PHF11: variants seen among roughly 807,000 people sequenced by gnomAD.
PHF11 encodes BRCA1 C-terminus-associated protein.
A neutral mutation model predicts 40.5 loss-of-function variants in PHF11; 38 were observed. The ratio of observed to expected loss-of-function variants is 0.94; its 90% CI spans 0.72 to 1.23. The LOEUF is 1.23. Among genes scored for constraint, PHF11 ranks in the 50% most tolerant of loss-of-function variants. The probability of loss-of-function intolerance (pLI) is 0.00; values close to 1 mark genes in which losing one functional copy is unlikely to be tolerated. For missense variants in PHF11, 369 were observed against 392.4 expected, an observed-to-expected ratio of 0.94 and a Z score of 0.50; for synonymous variants, 127 against 138.2, an observed-to-expected ratio of 0.92 and a Z score of 0.57.
intron 2 of PHF11, among the ~76,000 whole-genome samples, chr13:49,507,671 G>A (rs950442419): frequency 3.9e-5 from 6 of 152,156 alleles, no homozygotes; most frequent in East Asian, 3.8e-4. Flanking sequence ...GGACACTTAC[G>A]TTAGCCCACA....
intron 4 of PHF11, among the ~76,000 whole-genome samples, chr13:49,520,129 C>G (rs1042425201): frequency 6.6e-6 from 1 of 152,202 alleles, no homozygotes; most frequent in Non-Finnish European, 1.5e-5. Flanking sequence ...CTCACTGCAA[C>G]TTCCAGCCTC....
At chr13:49,526,187 AAAAG>A (rs1566198853) in intron 8 of PHF11, 196 bp from the exon 9 acceptor site, 17 of 482,898 alleles carry the variant, frequency 3.5e-5, no homozygotes, top group Middle Eastern at 5.0e-4. Flanking sequence ...AAAAAAAAAA[AAAAG>A]AAAAAAGAGA....
chr13:49,517,289 C>G (rs369737327), intron 3 of PHF11, among the ~76,000 whole-genome samples: 2 of 152,152 alleles, frequency 1.3e-5, no homozygotes, highest in East Asian at 1.9e-4. Context: ...ACTGTGCCCC[C>G]ACGTCATTCA....
In PHF11 at chr13:49,504,920, A is replaced by G. The variant is rs989170684; in HGVS notation, c.95-1715A>G. Among the ~76,000 whole-genome samples the G allele has an allele frequency of 7.8e-3, 1,165 of 148,994 alleles. 12 individuals carry two copies. The highest frequency in any genetic ancestry group is 0.027 in the African/African-American group (1,100 of 40,800). The stretch of plus-strand genomic sequence containing the variant: ...CTGTTGATCTGTGACCTTACCCCCA[A>G]CCCTGTGCTCTCTGAAACATGTGCT... On this transcript the variant is annotated intron_variant, in intron 1 of 9. Transcript: ENST00000378319.
Position 49,513,087 on chromosome 13 carries a change from A to G in PHF11, c.245A>G (p.Glu82Gly), listed in dbSNP as rs867638165. 8 of 1,591,650 alleles carry G rather than the reference A, an allele frequency of 5.0e-6. No homozygotes were observed. In the African/African-American group the frequency reaches 1.1e-4, roughly 21 times the overall value. ...TATTCTTCAGGACTTGTGGAATGTG[A>G]GGATCAGGATCCACTTAATCCTGAT... ...LLYSSGLVECEDQDPLNPDRS... is the reference protein window; with the variant it reads ...LLYSSGLVECGDQDPLNPDRS... Residue 82 changes from glutamate (E) to glycine (G), a missense_variant, in exon 3 of 10, where the codon GAG (glutamate) becomes GGG (glycine). Coordinates refer to ENST00000378319, the MANE Select transcript of PHF11 (RefSeq NM_001040443.3).
intron 6 of PHF11, 126 bp downstream of exon 6, chr13:49,522,233 TC>T: frequency 1.9e-6 from 1 of 538,454 alleles, no homozygotes. Context: ...AGAACATTCT[TC>T]ATTTGTGTTC....
At chr13:49,509,433 G>A (rs768201386) in intron 2 of PHF11, among the ~76,000 whole-genome samples, 1 of 152,020 alleles carries the variant, frequency 6.6e-6, no homozygotes, top group Non-Finnish European at 1.5e-5. Context: ...AGATGGTCTT[G>A]ATCTCTTGAC....
chr13:49,517,986 GTACT>G, intron 3 of PHF11, 28 bp from the exon 4 acceptor site: 1 of 1,155,088 alleles, frequency 8.7e-7, no homozygotes, highest in South Asian at 1.3e-5. Flanking sequence ...CAACAAACAG[GTACT>G]TACTCAGTAA....
At chr13:49,506,116 G>T (rs927502991) in intron 1 of PHF11, among the ~76,000 whole-genome samples, 1 of 151,938 alleles carries the variant, frequency 6.6e-6, no homozygotes, top group African/African-American at 2.4e-5. Flanking sequence ...CCTCATTTTG[G>T]CCAGGCACAG....
chr13:49,516,732 T>C (rs1275743151), intron 3 of PHF11, among the ~76,000 whole-genome samples: 10 of 151,906 alleles, frequency 6.6e-5, no homozygotes, highest in African/African-American at 2.4e-4. Flanking sequence ...TACAGGAGTG[T>C]GCCACTATGC....
intron 1 of PHF11, chr13:49,496,938 A>G: frequency 2.0e-6 from 1 of 508,878 alleles, no homozygotes; most frequent in South Asian, 2.8e-5. Flanking sequence ...GGTTCAAGCG[A>G]TTCTCCTGCC....
At chr13:49,496,199 C>G in intron 1 of PHF11, 104 bp downstream of exon 1, 1 of 730,890 alleles carries the variant, frequency 1.4e-6, no homozygotes, top group Non-Finnish European at 1.9e-6. Context: ...GCCCGACCTG[C>G]CCCTACTCCG....
At chr13:49,501,240 C>T (rs974647442) in intron 1 of PHF11, among the ~76,000 whole-genome samples, 9 of 152,012 alleles carry the variant, frequency 5.9e-5, no homozygotes, top group African/African-American at 1.9e-4. Context: ...CTTGAACTCC[C>T]GACCTCAGGT....
intron 2 of PHF11, 89 bp downstream of exon 2, chr13:49,506,845 G>T: frequency 4.8e-6 from 3 of 625,544 alleles, no homozygotes; most frequent in East Asian, 5.7e-5. Context: ...TGGACACAAA[G>T]AATAACAAGT....
chr13:49,513,328 A>ATT (rs5803468), intron 3 of PHF11, among the ~76,000 whole-genome samples, 162 bp downstream of exon 3: 95 of 126,148 alleles, frequency 7.5e-4, no homozygotes, highest in East Asian at 7.0e-3. Context: ...TTAACATTTA[A>ATT]TTTTTTTTTT....
At chr13:49,512,643 G>A (rs115468693) in intron 2 of PHF11, among the ~76,000 whole-genome samples, 1 of 152,334 alleles carries the variant, frequency 6.6e-6, no homozygotes, top group African/African-American at 2.4e-5. Context: ...GCAGGTGGGT[G>A]TAAGAAACAG....
At chr13:49,516,805 G>A (rs911305635) in intron 3 of PHF11, among the ~76,000 whole-genome samples, 3 of 151,748 alleles carry the variant, frequency 2.0e-5, no homozygotes, top group African/African-American at 4.8e-5. Flanking sequence ...AGCTGGTCTC[G>A]AACTCCTGGG....
At chr13:49,508,224 ATAT>A (rs1054957394) in intron 2 of PHF11, among the ~76,000 whole-genome samples, 5 of 147,384 alleles carry the variant, frequency 3.4e-5, no homozygotes, top group African/African-American at 4.9e-5. Flanking sequence ...ATGTATTAAT[ATAT>A]TATTGTGTTA....
At chr13:49,509,543 T>A (rs1392274700) in intron 2 of PHF11, among the ~76,000 whole-genome samples, 7 of 152,160 alleles carry the variant, frequency 4.6e-5, no homozygotes, top group Admixed American at 4.6e-4. Context: ...TAAGGTGATA[T>A]GCTTTGGCTG....
Sources: gnomAD v4.1 joint callset for allele counts (sites outside exome capture counted in the v4.1 genomes callset) on GRCh38, gnomAD v4.1.1 for gene constraint, MANE v1.5 for transcripts, NCBI Gene and HGNC (gene_info 2026-07-23, HGNC 2026-07-21) for gene names.